SPRY3: variants seen among roughly 807,000 people sequenced by gnomAD.
The protein encoded by SPRY3 is protein sprouty homolog 3.
SPRY3 carries 15 observed loss-of-function variants against 20.2 expected under a neutral mutation model. That is an observed-to-expected ratio of 0.74 (90% CI 0.50 to 1.14). SPRY3 has a LOEUF of 1.14. Among genes scored for constraint, SPRY3 ranks in the 50% most tolerant of loss-of-function variants. The pLI, the probability that SPRY3 is intolerant of heterozygous loss-of-function variation, is 0.00. For missense variants in SPRY3, 364 were observed against 363.9 expected, an observed-to-expected ratio of 1.00 and a Z score of 0.00; for synonymous variants, 143 against 136.5, an observed-to-expected ratio of 1.05 and a Z score of -0.33.
chrX:155,778,229 C>T (rs180893407), downstream of SPRY3: 54 of 167,190 alleles, frequency 3.2e-4, no homozygotes, highest in African/African-American at 1.2e-3. Context: ...TCTGGAGTAA[C>T]AAGCCTCAAA....
intron 2 of SPRY3, among the ~76,000 whole-genome samples, chrX:155,766,258 A>T (rs2091328635): frequency 1.3e-5 from 2 of 152,144 alleles, no homozygotes; most frequent in South Asian, 2.1e-4. Context: ...TACTTTTTTA[A>T]ATCTCATTAT....
At chrX:155,746,586 T>C (rs923397554) in intron 2 of SPRY3, among the ~76,000 whole-genome samples, 5 of 151,996 alleles carry the variant, frequency 3.3e-5, no homozygotes, top group Non-Finnish European at 7.4e-5. Flanking sequence ...TTTGTTTATG[T>C]ATATGTCAAG....
intron 2 of SPRY3, among the ~76,000 whole-genome samples, chrX:155,756,323 T>C (rs2091283355): frequency 6.6e-6 from 1 of 151,822 alleles, no homozygotes; most frequent in Non-Finnish European, 1.5e-5. Context: ...AAAAGTGAAG[T>C]ATATGTTGGT....
At chrX:155,711,264 G>T (rs1030999652) in intron 2 of SPRY3, among the ~76,000 whole-genome samples, 1 of 151,736 alleles carries the variant, frequency 6.6e-6, no homozygotes, top group Non-Finnish European at 1.5e-5. Flanking sequence ...GTAGAATTCA[G>T]CAGTGAAGCC....
chrX:155,724,629 G>A (rs1467719646), intron 2 of SPRY3, among the ~76,000 whole-genome samples: 1 of 152,136 alleles, frequency 6.6e-6, no homozygotes, highest in East Asian at 1.9e-4. Flanking sequence ...GTATAAGAAT[G>A]CTTGTGATTT....
At chrX:155,692,187 T>TTC (rs2068104773) in intron 2 of SPRY3, among the ~76,000 whole-genome samples, 1 of 110,943 alleles carries the variant, frequency 9.0e-6, no homozygotes, top group African/African-American at 3.3e-5. Flanking sequence ...TACAGCTTTA[T>TTC]ATTTTACATT....
intron 1 of SPRY3, among the ~76,000 whole-genome samples, chrX:155,643,533 C>T (rs2067948574): frequency 9.0e-6 from 1 of 111,283 alleles, no homozygotes; most frequent in Non-Finnish European, 1.9e-5. Context: ...GTAGTCTTTT[C>T]TCTCGTCTTA....
chrX:155,770,817 C>A, intron 3 of SPRY3, among the ~76,000 whole-genome samples: 1 of 152,110 alleles, frequency 6.6e-6, no homozygotes, highest in East Asian at 1.9e-4. Context: ...CTGTTCCTTT[C>A]TCAACATATT....
At chrX:155,772,869 A>C (rs2091389656) in intron 3 of SPRY3, among the ~76,000 whole-genome samples, 1 of 152,278 alleles carries the variant, frequency 6.6e-6, no homozygotes, top group Admixed American at 6.5e-5. Context: ...AAGTCCAAGC[A>C]GATTCTGCTT....
intron 2 of SPRY3, among the ~76,000 whole-genome samples, chrX:155,672,899 G>A (rs1557354928): frequency 9.4e-6 from 1 of 106,114 alleles, no homozygotes; most frequent in East Asian, 3.0e-4. Flanking sequence ...AAAATGATGA[G>A]TTCATGTCCT....
At chrX:155,664,780 G>T (rs1251861556) in intron 2 of SPRY3, among the ~76,000 whole-genome samples, 3 of 109,478 alleles carry the variant, frequency 2.7e-5, no homozygotes, top group Non-Finnish European at 5.7e-5. Context: ...TGTTTGTGGG[G>T]TGCGTGTGTG....
intron 2 of SPRY3, among the ~76,000 whole-genome samples, chrX:155,749,196 T>C (rs1303770724): frequency 6.6e-6 from 1 of 151,932 alleles, no homozygotes; most frequent in Non-Finnish European, 1.5e-5. Flanking sequence ...TTTCTAAAAG[T>C]AAACAAATAC....
At chrX:155,751,581 C>CTTT (rs1351947441) in intron 2 of SPRY3, among the ~76,000 whole-genome samples, 1 of 151,758 alleles carries the variant, frequency 6.6e-6, no homozygotes, top group African/African-American at 2.4e-5. Context: ...GTTGTGACTT[C>CTTT]TACATTTAAG....
chrX:155,658,205 A>AT (rs1281390695), intron 2 of SPRY3, among the ~76,000 whole-genome samples: 6 of 110,193 alleles, frequency 5.4e-5, no homozygotes, highest in African/African-American at 6.6e-5. Context: ...GTACTTTATA[A>AT]TTTTTTTTTC....
intron 2 of SPRY3, among the ~76,000 whole-genome samples, chrX:155,709,175 G>T (rs1325009675): frequency 2.6e-5 from 4 of 151,564 alleles, no homozygotes; most frequent in Non-Finnish European, 5.9e-5. Context: ...TTGTCTTTTG[G>T]GCATATACCC....
intron 2 of SPRY3, among the ~76,000 whole-genome samples, chrX:155,664,223 G>C (rs1415340398): frequency 1.8e-5 from 2 of 109,798 alleles, no homozygotes; most frequent in Non-Finnish European, 3.8e-5. Flanking sequence ...AATGAACGTA[G>C]AGTTATACTA....
At chrX:155,753,237 A>T (rs764940423) in intron 2 of SPRY3, among the ~76,000 whole-genome samples, 2 of 152,048 alleles carry the variant, frequency 1.3e-5, no homozygotes, top group Admixed American at 6.6e-5. Flanking sequence ...CCCTGTACCC[A>T]TTAGAAGTCA....
At chrX:155,779,334 G>T (rs146705552), downstream of SPRY3, 810 of 167,058 alleles carry the variant, frequency 4.8e-3, 3 homozygotes, top group Non-Finnish European at 5.8e-3. Flanking sequence ...TTTACCTTAT[G>T]TCTTTAATCA....
At chrX:155,774,866 G>A in exon 4 of SPRY3, 1 of 1,103,808 alleles carries the variant, frequency 9.1e-7, no homozygotes, top group South Asian at 1.6e-5. Context: ...TGTTCCTGCA[G>A]TGTCAGGGGA....
Sources: allele counts gnomAD v4.1 joint callset (sites outside exome capture counted in the v4.1 genomes callset), GRCh38; gene constraint gnomAD v4.1.1; transcripts MANE v1.5; gene names NCBI Gene and HGNC (gene_info 2026-07-23, HGNC 2026-07-21).